Variants in PPP2R2C observed in about 807,000 individuals in gnomAD.
The protein encoded by PPP2R2C is protein phosphatase 2 regulatory subunit Bgamma, also known as protein phosphatase 2, regulatory subunit B, gamma.
In PPP2R2C, 10 loss-of-function variants were observed where a neutral mutation model predicts 45.3. That is an observed-to-expected ratio of 0.22 (90% CI 0.14 to 0.37). The LOEUF (loss-of-function observed/expected upper bound fraction) is 0.37, where lower values mean the gene tolerates loss of function less well. PPP2R2C is among the 10% of genes least tolerant of loss of function. PPP2R2C has a pLI of 1.00. For missense variants in PPP2R2C, 308 were observed against 619.7 expected (o/e 0.50, Z 5.34); for synonymous variants, 257 against 245.4 (o/e 1.05, Z -0.44).
chr4:6,559,428 C>G, intron 1 of PPP2R2C, among the ~76,000 whole-genome samples: 1 of 142,214 alleles, frequency 7.0e-6, no homozygotes, highest in East Asian at 2.3e-4. Flanking sequence ...CACACACACA[C>G]ACAGAACAGA....
At chr4:6,521,428 A>G (rs1724023456) in intron 2 of PPP2R2C, among the ~76,000 whole-genome samples, 1 of 152,184 alleles carries the variant, frequency 6.6e-6, no homozygotes, top group South Asian at 2.1e-4. Context: ...ACTTCAATGT[A>G]TCATTCAGGT....
At chr4:6,492,431 C>T (rs77782658) in intron 2 of PPP2R2C, among the ~76,000 whole-genome samples, 6 of 152,170 alleles carry the variant, frequency 3.9e-5, no homozygotes, top group African/African-American at 1.2e-4. Flanking sequence ...TAAGAGCCTC[C>T]CCCCGAGTGC....
chr4:6,402,068 C>G (rs1242841667), intron 1 of PPP2R2C, among the ~76,000 whole-genome samples: 1 of 152,232 alleles, frequency 6.6e-6, no homozygotes, highest in African/African-American at 2.4e-5. Context: ...GATCAACTAC[C>G]TTCTGGGGCT....
intron 2 of PPP2R2C, among the ~76,000 whole-genome samples, chr4:6,512,414 TGGTGATGGTGGG>T (rs1723652511): frequency 7.7e-6 from 1 of 129,744 alleles, no homozygotes; most frequent in Non-Finnish European, 1.7e-5. Flanking sequence ...ATGGTGGTGG[TGGTGATGGTGGG>T]GGTGGTGGTG....
chr4:6,454,485 A>G (rs7376777), intron 1 of PPP2R2C, among the ~76,000 whole-genome samples: 149,889 of 152,252 alleles, frequency 0.98, 73,827 homozygotes, highest in Middle Eastern at 1. Flanking sequence ...TGCACGCTGG[A>G]GAGGGGAGCC....
intron 1 of PPP2R2C, among the ~76,000 whole-genome samples, chr4:6,435,082 A>AT (rs901074263): frequency 3.9e-5 from 6 of 151,936 alleles, no homozygotes; most frequent in Non-Finnish European, 7.4e-5. Flanking sequence ...TGTGCCTTAA[A>AT]TTTTTTTTAT....
chr4:6,356,438 G>A (rs1002925021), intron 5 of PPP2R2C, among the ~76,000 whole-genome samples: 2 of 152,194 alleles, frequency 1.3e-5, no homozygotes, highest in African/African-American at 4.8e-5. Flanking sequence ...ACTCAGTTGG[G>A]CTCCAGAGTC....
In PPP2R2C at chr4:6,456,468, A is replaced by T. The variant is rs141923755; in HGVS notation, c.70+15692T>A. 6.4e-3 allele frequency among the ~76,000 whole-genome samples: 982 copies of T among 152,352 alleles called. 4 individuals carry two copies. The highest frequency in any genetic ancestry group is 0.011 in the Non-Finnish European group (773 of 68,040). On this transcript the variant is annotated intron_variant, in intron 1 of 8. Transcript: ENST00000382599. ...ATGGGACACATTATCATGATGGATT[A>T]TATTTTCACAGCTTCAATAAAGAGC... is the stretch of plus-strand genomic sequence containing the variant.
chr4:6,327,615 C>T (rs1373829010), intron 8 of PPP2R2C, among the ~76,000 whole-genome samples: 1 of 152,220 alleles, frequency 6.6e-6, no homozygotes, highest in Non-Finnish European at 1.5e-5. Context: ...CCAGGGAACC[C>T]CAAATGCAGC....
Position 6,375,841 on chromosome 4 carries a change from A to G in PPP2R2C, c.425T>C (p.Leu142Pro). The change falls in exon 4 of 9, where the codon CTG becomes CCG. Residue 142 changes from leucine (L) to proline (P), a missense_variant. Leu to Pro is a moderately conservative substitution (Grantham distance 98). Transcript: ENST00000382599. ...LKDEEGKLKDLSTVTSLQVPV... is the reference protein window; with the variant it reads ...LKDEEGKLKDPSTVTSLQVPV... ...CACCTGCAGTGACGTCACCGTGGAC[A>G]GGTCCTTAAGTTTCCCCTCTTCATC... The G allele has an allele frequency of 2.5e-6, 4 of 1,613,924 alleles. No homozygotes were observed. The highest frequency in any genetic ancestry group is 3.4e-6 in the Non-Finnish European group (4 of 1,179,870).
At chr4:6,435,917 TC>T (rs1157883419) in intron 1 of PPP2R2C, among the ~76,000 whole-genome samples, 1 of 152,116 alleles carries the variant, frequency 6.6e-6, no homozygotes, top group Admixed American at 6.5e-5. Context: ...TGAATGTGTG[TC>T]CCCCCGAAAT....
At chr4:6,423,635 C>T (rs535590308) in intron 1 of PPP2R2C, among the ~76,000 whole-genome samples, 9 of 152,180 alleles carry the variant, frequency 5.9e-5, no homozygotes, top group African/African-American at 2.2e-4. Context: ...TAATACAGTA[C>T]TTTGGAGGAA....
Position 6,351,397 on chromosome 4 carries a change from G to A in PPP2R2C, c.626-3387C>T, listed in dbSNP as rs897865429. The stretch of plus-strand genomic sequence containing the variant: ...CTGTAGCCCTGTGGCAAACACACCC[G>A]AGCCACGGCAACCCAGGGCCGGCTG... On this transcript the variant is annotated intron_variant, in intron 5 of 8. Transcript: ENST00000382599. 97 of 983,512 alleles carry A rather than the reference G, an allele frequency of 9.9e-5. No homozygotes were observed. In the African/African-American group the frequency reaches 1.3e-3, roughly 13 times the overall value. 60.9% of individuals were successfully genotyped at this position (983,512 alleles called of 1,614,324 possible). A position where few individuals can be genotyped will look rare whatever the true frequency, so the allele number is the denominator to read the frequency against.
chr4:6,514,905 G>A (rs1560596932), intron 2 of PPP2R2C, among the ~76,000 whole-genome samples: 2 of 152,146 alleles, frequency 1.3e-5, no homozygotes, highest in Non-Finnish European at 2.9e-5. Context: ...TCCTTGGCTT[G>A]TAGCTGCATC....
chr4:6,382,247 G>A (rs1167038134), intron 1 of PPP2R2C: 9 of 1,219,190 alleles, frequency 7.4e-6, no homozygotes, highest in African/African-American at 3.1e-5. Context: ...GGGATGGCCC[G>A]CTGCTGTGAA....
chr4:6,354,753 T>A (rs753800532), intron 5 of PPP2R2C, among the ~76,000 whole-genome samples: 24 of 149,366 alleles, frequency 1.6e-4, no homozygotes, highest in Non-Finnish European at 3.0e-4. Flanking sequence ...CCACAGTCAG[T>A]GAGCAGCAGA....
At chr4:6,426,562 G>A (rs1719344852) in intron 1 of PPP2R2C, among the ~76,000 whole-genome samples, 2 of 152,172 alleles carry the variant, frequency 1.3e-5, no homozygotes, top group African/African-American at 4.8e-5. Context: ...TGGCAATTGT[G>A]GTCCTTGTAT....
chr4:6,445,211 A>C (rs1720358446), intron 1 of PPP2R2C, among the ~76,000 whole-genome samples: 1 of 151,974 alleles, frequency 6.6e-6, no homozygotes, highest in Non-Finnish European at 1.5e-5. Context: ...ATAAAAACAA[A>C]AAAAAAAACC....
At position 6,470,136 on chromosome 4, in the gene PPP2R2C, T is replaced by C. The variant is rs555369499; in HGVS notation, c.70+2024A>G. The stretch of plus-strand genomic sequence containing the variant: ...TCCAGACCCTGTAGGCAGGATTCAC[T>C]CCCATTTTACAGATGGGGAGACTGA... On this transcript the variant is annotated intron_variant, in intron 1 of 8. Coordinates refer to ENST00000382599, the MANE Select transcript of PPP2R2C (RefSeq NM_020416.4). 5.3e-5 allele frequency among the ~76,000 whole-genome samples: 8 copies of C among 152,304 alleles called. No homozygotes were observed. In the South Asian group the frequency reaches 1.7e-3, roughly 32 times the overall value.
Sources: gnomAD v4.1 joint callset for allele counts (sites outside exome capture counted in the v4.1 genomes callset) on GRCh38, gnomAD v4.1.1 for gene constraint, MANE v1.5 for transcripts, NCBI Gene and HGNC (gene_info 2026-07-23, HGNC 2026-07-21) for gene names.